SCN1A: variants seen among roughly 807,000 people sequenced by gnomAD.
SCN1A encodes sodium voltage-gated channel alpha subunit 1.
A neutral mutation model predicts 193.7 loss-of-function variants in SCN1A; 13 were observed. That is an observed-to-expected ratio of 0.07 (90% confidence interval 0.04 to 0.11). The LOEUF is 0.11. Among genes scored for constraint, SCN1A ranks in the 10% least tolerant of loss-of-function variants. The pLI is 1.00. For missense variants in SCN1A, 1,432 were observed against 2,451.1 expected (o/e 0.58, Z 8.78); for synonymous variants, 781 against 843.6 (o/e 0.93, Z 1.29).
At chr2:165,999,168 T>G (rs1690483983) in intron 25 of SCN1A, 1 of 152,138 alleles carries the variant, frequency 6.6e-6, no homozygotes, top group Non-Finnish European at 1.5e-5. Flanking sequence ...CTTAAAGGAA[T>G]CTGTTGGTCA....
chr2:166,122,121 C>T (rs985180730), intron 2 of SCN1A, among the ~76,000 whole-genome samples: 6 of 152,164 alleles, frequency 3.9e-5, no homozygotes, highest in Non-Finnish European at 8.8e-5. Context: ...GTCTGTGGTA[C>T]TTTGTCATGG....
At chr2:166,113,260 AGTG>A (rs1689491140) in intron 2 of SCN1A, among the ~76,000 whole-genome samples, 1 of 152,190 alleles carries the variant, frequency 6.6e-6, no homozygotes, top group South Asian at 2.1e-4. Flanking sequence ...TGATGTCAGA[AGTG>A]GTGTGGTTAA....
intron 2 of SCN1A, among the ~76,000 whole-genome samples, chr2:166,081,250 C>G (rs1009117271): frequency 3.3e-5 from 5 of 151,930 alleles, no homozygotes; most frequent in Non-Finnish European, 7.4e-5. Flanking sequence ...CTGCTTTTCT[C>G]CAGTCAAACA....
Position 166,015,703 on chromosome 2 carries a change from A to T in SCN1A, c.3454T>A (p.Ser1152Thr), listed in dbSNP as rs763254451. 3 of 1,612,774 alleles carry T rather than the reference A, an allele frequency of 1.9e-6. No homozygotes were observed. The Admixed American group carries it at 5.0e-5, about 27-fold the overall frequency. ...KEKLNESSSS[S>T]EGSTVDIGAP... Reference sequence around the variant, plus strand: ...CCGATGTCCACAGTGCTACCTTCTGATGAGCTACTGCTTTCATTCAGTTTC... The same window carrying T: ...CCGATGTCCACAGTGCTACCTTCTGTTGAGCTACTGCTTTCATTCAGTTTC... The change falls in exon 20 of 29, where the codon TCA becomes ACA. Residue 1152 changes from serine to threonine, a missense_variant. By Grantham distance (58) the Ser-to-Thr change is moderately conservative. Around this residue, in one of 18 missense-constraint regions of SCN1A, gnomAD observed 198 missense variants for 225.8 expected, o/e 0.88. Coordinates refer to ENST00000674923, the MANE Select transcript of SCN1A (RefSeq NM_001165963.4).
At chr2:166,130,811 T>A (rs531503919), upstream of SCN1A, among the ~76,000 whole-genome samples, 2 of 152,168 alleles carry the variant, frequency 1.3e-5, no homozygotes, top group Non-Finnish European at 2.9e-5. Flanking sequence ...TTTTACAGTA[T>A]TAGTAACTTT....
chr2:166,088,471 AAT>A (rs1419977374), intron 2 of SCN1A, among the ~76,000 whole-genome samples: 1 of 152,144 alleles, frequency 6.6e-6, no homozygotes, highest in African/African-American at 2.4e-5. Flanking sequence ...CTTTCATATC[AAT>A]ATGTTTTCTA....
At chr2:166,109,418 G>A (rs1372957278) in intron 2 of SCN1A, 1 of 152,110 alleles carries the variant, frequency 6.6e-6, no homozygotes, top group African/African-American at 2.4e-5. Context: ...TATATACTTG[G>A]TGTGGTCTTA....
intron 21 of SCN1A, 21 bp downstream of exon 21, chr2:166,013,723 C>T (rs1321661126): frequency 6.2e-7 from 1 of 1,609,372 alleles, no homozygotes; most frequent in African/African-American, 1.3e-5. Flanking sequence ...TGCTGTATCA[C>T]CTTTTCTTAA....
chr2:166,126,713 C>T (rs1691284369), intron 2 of SCN1A, among the ~76,000 whole-genome samples: 1 of 152,196 alleles, frequency 6.6e-6, no homozygotes, highest in Non-Finnish European at 1.5e-5. Flanking sequence ...TGGCAATTTG[C>T]AAGTTTGCTA....
At position 166,144,770 on chromosome 2, in the gene SCN1A, G is replaced by C. The variant is rs559978283; in HGVS notation, c.-50+4277C>G. 1.2e-3 allele frequency among the ~76,000 whole-genome samples: 176 copies of C among 152,142 alleles called. 1 individual carries two copies. The highest frequency in any genetic ancestry group is 3.8e-3 in the Admixed American group (58 of 15,278). On this transcript the variant is annotated intron_variant, in intron 1 of 26. Coordinates refer to the SCN1A transcript ENST00000635750. ...AGTGAATTTGGCATTTGGAGACCTTGAGCCTTTATTTTCTCACTGCAAAAT... is the reference window on the plus strand; with the variant it reads ...AGTGAATTTGGCATTTGGAGACCTTCAGCCTTTATTTTCTCACTGCAAAAT...
At chr2:166,072,789 T>TTTCTTTCCTTCCTTCCTTCCTTCC (rs1684564260) in intron 4 of SCN1A, among the ~76,000 whole-genome samples, 2 of 144,482 alleles carry the variant, frequency 1.4e-5, no homozygotes, top group African/African-American at 5.3e-5. Flanking sequence ...TGCCTCTTTC[T>TTTCTTTCCTTCCTTCCTTCCTTCC]TTCCTTCCTT....
intron 19 of SCN1A, among the ~76,000 whole-genome samples, chr2:166,034,443 C>T (rs1696064668): frequency 6.6e-6 from 1 of 152,160 alleles, no homozygotes; most frequent in Admixed American, 6.5e-5. Context: ...ATGATGATAT[C>T]TAATAGAATT....
At chr2:166,083,381 A>G (rs1452008568) in intron 2 of SCN1A, among the ~76,000 whole-genome samples, 1 of 152,068 alleles carries the variant, frequency 6.6e-6, no homozygotes, top group Admixed American at 6.6e-5. Flanking sequence ...GATATCTAAC[A>G]TATGTCTGTA....
At chr2:166,121,271 G>T (rs971997169) in intron 2 of SCN1A, among the ~76,000 whole-genome samples, 5 of 152,142 alleles carry the variant, frequency 3.3e-5, no homozygotes, top group Non-Finnish European at 7.3e-5. Flanking sequence ...GCATTTTTCA[G>T]TCTAGATTGT....
rs1392549408 is a variant in SCN1A, at chr2:166,038,145, A to G, written c.2590-13T>C. On this transcript the variant is annotated splice_polypyrimidine_tract_variant and intron_variant, in intron 17 of 28. Transcript: ENST00000674923. The stretch of plus-strand genomic sequence containing the variant: ...TGAAAACTCGCAGCTGGAAAATGAA[A>G]GATTAATATATATTTGTATGATTCT... The G allele has an allele frequency of 6.4e-7, 1 of 1,566,568 alleles. No homozygotes were observed. Among genetic ancestry groups the G allele is most frequent in the South Asian group, 1.1e-5 (1 of 88,878 alleles).
intron 20 of SCN1A, among the ~76,000 whole-genome samples, chr2:166,014,652 A>G (rs568038396): frequency 0.018 from 2,672 of 151,072 alleles, 107 homozygotes; most frequent in African/African-American, 0.062. Context: ...CAAAAAAAAA[A>G]AAAAGGAGGA....
intron 17 of SCN1A, 28 bp from the exon 18 acceptor site, chr2:166,038,160 T>C (rs754185737): frequency 6.6e-7 from 1 of 1,507,244 alleles, no homozygotes; most frequent in African/African-American, 1.4e-5. Flanking sequence ...AATATATATT[T>C]GTATGATTCT....
intron 13 of SCN1A, among the ~76,000 whole-genome samples, chr2:166,044,250 A>G (rs530278769): frequency 6.6e-6 from 1 of 152,186 alleles, no homozygotes; most frequent in African/African-American, 2.4e-5. Context: ...AGCCCTTGGG[A>G]TTAAAGAATG....
chr2:165,988,989 A>G lies in SCN1A; in HGVS notation c.*2256T>C, dbSNP rs1033054346. 3 of 151,876 alleles carry G rather than the reference A, an allele frequency of 2.0e-5. No individual in the cohort carries two copies. Among genetic ancestry groups the G allele is most frequent in the African/African-American group, 7.3e-5 (3 of 41,076 alleles). 9.4% of individuals were successfully genotyped at this position (151,876 alleles called of 1,614,324 possible). The stretch of plus-strand genomic sequence containing the variant: ...GTCATTACCCCCTACCTCCAGTGAC[A>G]TATCTACCCTAGGTTTTGTTGTCAA... On this transcript the variant is annotated 3_prime_UTR_variant, in exon 29 of 29. Transcript: ENST00000674923.
Sources: allele counts gnomAD v4.1 joint callset (sites outside exome capture counted in the v4.1 genomes callset), GRCh38; gene constraint gnomAD v4.1.1; regional missense constraint gnomAD v4.1.1; transcripts MANE v1.5; gene names NCBI Gene and HGNC (gene_info 2026-07-23, HGNC 2026-07-21).